The following PARD3 variants were observed in gnomAD, a reference collection of about 807,000 sequenced individuals.
PARD3 encodes the protein partitioning defective 3 homolog.
Under a neutral mutation model 155.4 loss-of-function variants are expected in PARD3, and 75 were observed. The ratio of observed to expected loss-of-function variants is 0.48; its 90% CI spans 0.40 to 0.58. The LOEUF is 0.58. Among genes scored for constraint, PARD3 ranks in the 20% least tolerant of loss-of-function variants. The pLI, the probability that PARD3 is intolerant of heterozygous loss-of-function variation, is 0.00. For synonymous variants in PARD3, 576 were observed against 610.5 expected (o/e 0.94, Z 0.83); for missense variants, 1,642 against 1,721.7 (o/e 0.95, Z 0.82).
chr10:34,451,581 A>G (rs1270731360), intron 4 of PARD3, among the ~76,000 whole-genome samples: 3 of 152,186 alleles, frequency 2.0e-5, no homozygotes, highest in African/African-American at 7.2e-5. Context: ...GAGTTCCATC[A>G]GGGAATAAAA....
rs1034105276 is a variant in PARD3, at chr10:34,328,387, G to T, written c.2833+2730C>A. 3.3e-5 allele frequency among the ~76,000 whole-genome samples: 5 copies of T among 152,112 alleles called. No individual in the cohort carries two copies. In the South Asian group the frequency reaches 8.3e-4, roughly 25 times the overall value. The stretch of plus-strand genomic sequence containing the variant: ...GTGCCAGAAGTAGGGCAGTGAGGGG[G>T]TACATAGAATCATGGAATGTTAAAC... On this transcript the variant is annotated intron_variant, in intron 19 of 24. Coordinates refer to ENST00000374788, the MANE Select transcript of PARD3 (RefSeq NM_001184785.2).
chr10:34,343,519 C>G (rs1035567653), intron 15 of PARD3: 8 of 985,074 alleles, frequency 8.1e-6, no homozygotes, highest in African/African-American at 5.2e-5. Flanking sequence ...TTTTCTCACC[C>G]ATGATTTGAA....
intron 2 of PARD3, among the ~76,000 whole-genome samples, chr10:34,589,799 A>G (rs934822112): frequency 3.3e-5 from 5 of 152,136 alleles, no homozygotes; most frequent in South Asian, 4.1e-4. Context: ...TTGCATTTTT[A>G]GAATTCTCCA....
chr10:34,220,714 A>C (rs1420427444), intron 22 of PARD3, among the ~76,000 whole-genome samples: 1 of 152,220 alleles, frequency 6.6e-6, no homozygotes, highest in Non-Finnish European at 1.5e-5. Flanking sequence ...AGTTGGGAAG[A>C]TTATGTGCAC....
intron 22 of PARD3, among the ~76,000 whole-genome samples, chr10:34,255,697 C>T (rs1197074200): frequency 6.6e-6 from 1 of 152,178 alleles, no homozygotes; most frequent in Non-Finnish European, 1.5e-5. Flanking sequence ...TAACACTTTT[C>T]TTCATGGAAG....
At chr10:34,253,047 A>G (rs1954423691) in intron 22 of PARD3, among the ~76,000 whole-genome samples, 1 of 152,204 alleles carries the variant, frequency 6.6e-6, no homozygotes, top group African/African-American at 2.4e-5. Flanking sequence ...TTATTAAAAA[A>G]CCAAGACAAT....
intron 3 of PARD3, among the ~76,000 whole-genome samples, chr10:34,511,985 G>A (rs1429931158): frequency 6.6e-6 from 1 of 152,042 alleles, no homozygotes; most frequent in Non-Finnish European, 1.5e-5. Context: ...CAAATAATAA[G>A]CAACTTTATG....
intron 5 of PARD3, among the ~76,000 whole-genome samples, chr10:34,430,050 C>G (rs2075824648): frequency 6.6e-6 from 1 of 152,158 alleles, no homozygotes; most frequent in Admixed American, 6.5e-5. Context: ...GTTTTATTTA[C>G]AAAAAGCAGC....
intron 5 of PARD3, among the ~76,000 whole-genome samples, chr10:34,448,134 CGTGTGTGTGTGTGTGT>C: frequency 6.8e-6 from 1 of 147,146 alleles, no homozygotes; most frequent in African/African-American, 2.6e-5. Flanking sequence ...ATATACACTG[CGTGTGTGTGTGTGTGT>C]GTGTGTGTGT....
intron 2 of PARD3, among the ~76,000 whole-genome samples, chr10:34,546,169 G>C (rs1430787098): frequency 6.6e-6 from 1 of 152,074 alleles, no homozygotes. Flanking sequence ...ATGATGAAAA[G>C]TTGTCTTACA....
intron 20 of PARD3, among the ~76,000 whole-genome samples, chr10:34,310,969 TG>T (rs1386875259): frequency 1.3e-5 from 2 of 152,236 alleles, no homozygotes; most frequent in African/African-American, 4.8e-5. Context: ...TTACTTTAAC[TG>T]TATTCCTTAA....
chr10:34,483,011 C>T (rs1185762137), intron 3 of PARD3, among the ~76,000 whole-genome samples: 1 of 151,498 alleles, frequency 6.6e-6, no homozygotes, highest in Non-Finnish European at 1.5e-5. Context: ...AAAAAATTAG[C>T]CAGGTGTGGT....
At chr10:34,285,608 A>G (rs2133940562) in intron 20 of PARD3, among the ~76,000 whole-genome samples, 1 of 152,008 alleles carries the variant, frequency 6.6e-6, no homozygotes, top group Non-Finnish European at 1.5e-5. Context: ...AACAGAGAGG[A>G]GAAAAGGGTC....
chr10:34,224,309 C>T (rs919089053), intron 22 of PARD3, among the ~76,000 whole-genome samples: 3 of 152,206 alleles, frequency 2.0e-5, no homozygotes, highest in Non-Finnish European at 4.4e-5. Flanking sequence ...AAAAATCTCA[C>T]AAGATTTTGC....
intron 1 of PARD3, among the ~76,000 whole-genome samples, chr10:34,711,337 T>C (rs1332105529): frequency 2.0e-5 from 3 of 152,088 alleles, no homozygotes; most frequent in Non-Finnish European, 2.9e-5. Context: ...CTGGCCAACA[T>C]GGTGAAACCC....
chr10:34,533,297 C>T (rs1329723521), intron 2 of PARD3, among the ~76,000 whole-genome samples: 10 of 151,902 alleles, frequency 6.6e-5, no homozygotes, highest in Admixed American at 6.6e-4. Context: ...GGGAAAAGGA[C>T]ATGCGCTGAA....
In PARD3 at chr10:34,473,991, C is replaced by G. The variant is rs577991458; in HGVS notation, c.404-3728G>C. ...GCCCTTGAATTCTTTCCTGGGCAAA[C>G]ACAAGGACCTTTATGGGCTAAGCCC... On this transcript the variant is annotated intron_variant, in intron 3 of 24. Transcript: ENST00000374788. 6.9e-4 allele frequency among the ~76,000 whole-genome samples: 105 copies of G among 152,296 alleles called. 1 individual carries two copies. The South Asian group carries it at 7.9e-3, about 11-fold the overall frequency.
intron 1 of PARD3, among the ~76,000 whole-genome samples, chr10:34,704,419 T>C (rs542969291): frequency 6.6e-6 from 1 of 152,170 alleles, no homozygotes; most frequent in South Asian, 2.1e-4. Flanking sequence ...CAAAGTGGTC[T>C]AAAAAGTAAG....
chr10:34,701,594 C>G (rs934295268), intron 1 of PARD3, among the ~76,000 whole-genome samples: 1 of 152,024 alleles, frequency 6.6e-6, no homozygotes, highest in African/African-American at 2.4e-5. Context: ...GTCAGAACAC[C>G]GGAACAAGGA....
Sources: gnomAD v4.1 joint callset for allele counts (sites outside exome capture counted in the v4.1 genomes callset) on GRCh38, gnomAD v4.1.1 for gene constraint, MANE v1.5 for transcripts, NCBI Gene and HGNC (gene_info 2026-07-23, HGNC 2026-07-21) for gene names.